Variants in SLC4A3 observed in about 807,000 individuals in gnomAD.
The protein encoded by SLC4A3 is anion exchange protein 3.
In SLC4A3, 47 loss-of-function variants were observed where a neutral mutation model predicts 114.2. The observed-to-expected ratio is 0.41, with a 90% CI of 0.33 to 0.52. The LOEUF (loss-of-function observed/expected upper bound fraction) is 0.52, where lower values mean the gene tolerates loss of function less well. Among genes scored for constraint, SLC4A3 ranks in the 20% least tolerant of loss-of-function variants. The pLI is 0.21. For synonymous variants in SLC4A3, 693 were observed against 710.3 expected, an observed-to-expected ratio of 0.98 and a Z score of 0.39; for missense variants, 1,312 against 1,668.3, an observed-to-expected ratio of 0.79 and a Z score of 3.72.
rs1699143384 is a variant in SLC4A3 at position 219,637,084 on chromosome 2, G to GCA, written c.2535+212_2535+213dup. 6.6e-6 allele frequency among the ~76,000 whole-genome samples: 1 copy of GCA among 152,092 alleles called. No homozygotes were observed. The highest frequency in any genetic ancestry group is 1.5e-5 in the Non-Finnish European group (1 of 68,010). ...GGTGGGTGCCAGGTCACGACTCCAA[G>GCA]CACCTGGTTGGAGGCTTAGTAATAA... On this transcript the variant is annotated intron_variant, in intron 16 of 22. Coordinates refer to ENST00000358055, the MANE Select transcript of SLC4A3 (RefSeq NM_005070.4). The surrounding 1 kb of genome is among the most constrained non-coding windows in gnomAD (Gnocchi z 4.6).
Position 219,632,011 on chromosome 2 carries a change from G to A in SLC4A3, c.855G>A (p.Val285=), listed in dbSNP as rs200039207. Residue 285 remains valine (V), a synonymous_variant, in exon 7 of 23, where the codon GTG becomes GTA. Coordinates refer to ENST00000358055, the MANE Select transcript of SLC4A3 (RefSeq NM_005070.4). Reference sequence around the variant, plus strand: ...ACCCTGGTGTGCGGCGACACTTAGTGAAAAAGCCCTCCCGGACGCAGGGCG... The same window carrying A: ...ACCCTGGTGTGCGGCGACACTTAGTAAAAAAGCCCTCCCGGACGCAGGGCG... ...EDNPGVRRHL[V]KKPSRTQGGR... 11 of 1,613,084 alleles carry A rather than the reference G, an allele frequency of 6.8e-6. No homozygotes were observed. The highest frequency in any genetic ancestry group is 1.7e-5 in the Admixed American group (1 of 59,748).
At position 219,641,754 on chromosome 2, in the gene SLC4A3, AC is replaced by A; in HGVS notation, c.*30del. The A allele has an allele frequency of 6.3e-7, 1 of 1,586,348 alleles. No homozygotes were observed. Among genetic ancestry groups the A allele is most frequent in the Non-Finnish European group, 8.7e-7 (1 of 1,155,168 alleles). On this transcript the variant is annotated 3_prime_UTR_variant, in exon 23 of 23. Coordinates refer to ENST00000358055, the MANE Select transcript of SLC4A3 (RefSeq NM_005070.4). This position sits in a 1 kb window ranked among gnomAD's most constrained non-coding sequence, Gnocchi z 4.0. ...CCCTTGAAGACAGTGCCCCTCAGAG[AC>A]CCCAAGACCTTAGGGATTGACACCT...
Position 219,628,598 on chromosome 2 carries a change from GCCGCC to G in SLC4A3, c.217+30_217+34del, listed in dbSNP as rs1227139362. 1.2e-6 allele frequency: 2 copies of G among 1,605,740 alleles called. No individual in the cohort carries two copies. The highest frequency in any genetic ancestry group is 1.7e-6 in the Non-Finnish European group (2 of 1,177,052). The stretch of plus-strand genomic sequence containing the variant: ...GGGTAGCCTGGGGACCCCTAGTGCG[GCCGCC>G]CTCGCCACCATCACCTTCATCGCCA... On this transcript the variant is annotated intron_variant, in intron 3 of 22. Transcript: ENST00000358055. The surrounding 1 kb of genome is among the most constrained non-coding windows in gnomAD (Gnocchi z 4.8).
At chr2:219,627,856 G>C in intron 1 of SLC4A3, 44 bp from the exon 2 acceptor site, 1 of 663,866 alleles carries the variant, frequency 1.5e-6, no homozygotes, top group Non-Finnish European at 2.5e-6. Flanking sequence ...CTCCCGGGTG[G>C]GGGGCGCCAG....
chr2:219,633,338 T>C lies in SLC4A3; in HGVS notation c.1342T>C (p.Ser448Pro). The C allele has an allele frequency of 6.2e-7, 1 of 1,605,796 alleles. No homozygotes were observed. Among genetic ancestry groups the C allele is most frequent in the Non-Finnish European group, 8.5e-7 (1 of 1,174,568 alleles). Reference sequence around the variant, plus strand: ...AAACCCATCGAGCTCCAGCATGAACTCGGTTCTGGGGAATCATCACCCAAC... The same window carrying C: ...AAACCCATCGAGCTCCAGCATGAACCCGGTTCTGGGGAATCATCACCCAAC... ...PRNPSSSSMN[S>P]VLGNHHPTPS... The change falls in exon 10 of 23, where the codon TCG (serine) becomes CCG (proline). Residue 448 changes from serine (S) to proline (P), a missense_variant. Ser to Pro is a moderately conservative substitution (Grantham distance 74, BLOSUM62 -1). This residue lies in a region of SLC4A3 where 771 missense variants were observed against 977.7 expected (regional missense o/e 0.79). Coordinates refer to ENST00000358055, the MANE Select transcript of SLC4A3 (RefSeq NM_005070.4).
Position 219,630,061 on chromosome 2 carries a change from G to T in SLC4A3, c.612-92G>T, listed in dbSNP as rs892107419. On this transcript the variant is annotated intron_variant, in intron 5 of 22. Coordinates refer to ENST00000358055, the MANE Select transcript of SLC4A3 (RefSeq NM_005070.4). The surrounding 1 kb of genome is among the most constrained non-coding windows in gnomAD (Gnocchi z 6.9). ...GAGGGGCCTGGGTCTCATGCTCAGGGTCTACTCCAGGCCGTGCTCTGAGCT... is the reference window on the plus strand; with the variant it reads ...GAGGGGCCTGGGTCTCATGCTCAGGTTCTACTCCAGGCCGTGCTCTGAGCT... 6.5e-7 allele frequency: 1 copy of T among 1,549,438 alleles called. No individual in the cohort carries two copies. Among genetic ancestry groups the T allele is most frequent in the East Asian group, 2.3e-5 (1 of 44,158 alleles).
Position 219,630,295 on chromosome 2 carries a change from C to T in SLC4A3, c.754C>T (p.Pro252Ser). 2 of 1,613,022 alleles carry T rather than the reference C, an allele frequency of 1.2e-6. No individual in the cohort carries two copies. Among genetic ancestry groups the T allele is most frequent in the Non-Finnish European group, 1.7e-6 (2 of 1,179,722 alleles). The change falls in exon 6 of 23, where the codon CCC becomes TCC. Residue 252 changes from proline (P) to serine (S), a missense_variant. By Grantham distance (74) the Pro-to-Ser change is moderately conservative. This residue lies in a region of SLC4A3 where 771 missense variants were observed against 977.7 expected (regional missense o/e 0.79). Coordinates refer to ENST00000358055, the MANE Select transcript of SLC4A3 (RefSeq NM_005070.4). The surrounding 1 kb of genome is among the most constrained non-coding windows in gnomAD (Gnocchi z 6.9). ...CCCAGGTGGTCCAGAGCAGCAGGTG[C>T]CCACAGATGAGGCGGAGGCCCAGAT... ...GNPGGPEQQV[P>S]TDEAEAQMLG...
At position 219,638,165 on chromosome 2, in the gene SLC4A3, C is replaced by T. The variant is rs766327424; in HGVS notation, c.2768C>T (p.Ala923Val). Residue 923 changes from alanine (A) to valine (V), a missense_variant and splice_region_variant, in exon 18 of 23, where the codon GCT becomes GTT. Physicochemically the swap from Ala to Val is moderately conservative, Grantham distance 64. This residue lies in a region of SLC4A3 where 301 missense variants were observed against 460.7 expected (regional missense o/e 0.65). Coordinates refer to ENST00000358055, the MANE Select transcript of SLC4A3 (RefSeq NM_005070.4). The surrounding 1 kb of genome is among the most constrained non-coding windows in gnomAD (Gnocchi z 7.5). The stretch of plus-strand genomic sequence containing the variant: ...CTTCCCCAACTGGCCCCTCTCAAGG[C>T]TCGTCGCATCATCGGGGACTTTGGC... ...FRNSRFLGGK[A>V]RRIIGDFGIP... The T allele has an allele frequency of 6.2e-6, 10 of 1,610,344 alleles. No individual in the cohort carries two copies. The highest frequency in any genetic ancestry group is 7.6e-6 in the Non-Finnish European group (9 of 1,178,044).
In SLC4A3 at chr2:219,639,460, G is replaced by A. The variant is rs377563433; in HGVS notation, c.3024-22G>A. 15 of 1,605,970 alleles carry A rather than the reference G, an allele frequency of 9.3e-6. No homozygotes were observed. The highest frequency in any genetic ancestry group is 5.3e-5 in the African/African-American group (4 of 74,852). ...GCCCCTGCCAGGCCAGCCACACCCC[G>A]CTCCCCACCTTCTCCCTGCAGGCTT... On this transcript the variant is annotated intron_variant, in intron 19 of 22. Coordinates refer to ENST00000358055, the MANE Select transcript of SLC4A3 (RefSeq NM_005070.4). This position sits in a 1 kb window ranked among gnomAD's most constrained non-coding sequence, Gnocchi z 5.9.
intron 9 of SLC4A3, 124 bp from the exon 10 acceptor site, chr2:219,633,150 C>A: frequency 1.4e-6 from 2 of 1,383,796 alleles, no homozygotes; most frequent in Non-Finnish European, 2.0e-6. Flanking sequence ...CACTTTCAAT[C>A]ATTATAAAGT....
chr2:219,628,646 T>G lies in SLC4A3; in HGVS notation c.217+76T>G. On this transcript the variant is annotated intron_variant, in intron 3 of 22. Transcript: ENST00000358055. This position sits in a 1 kb window ranked among gnomAD's most constrained non-coding sequence, Gnocchi z 4.8. ...CATCGCCACCATCACCGCGCTCACC[T>G]CCGGCTTGGTCACCCAGTGCCATCC... is the stretch of plus-strand genomic sequence containing the variant. 1.4e-6 allele frequency: 2 copies of G among 1,459,706 alleles called. No homozygotes were observed. Among genetic ancestry groups the G allele is most frequent in the South Asian group, 2.4e-5 (2 of 84,386 alleles). 90.4% of individuals were successfully genotyped at this position (1,459,706 alleles called of 1,614,324 possible).
rs140733778 is a variant in SLC4A3, at chr2:219,629,313, G to T, written c.387G>T (p.Glu129Asp). The T allele has an allele frequency of 1.7e-5, 28 of 1,613,062 alleles. No individual in the cohort carries two copies. Among genetic ancestry groups the T allele is most frequent in the Non-Finnish European group, 2.4e-5 (28 of 1,179,464 alleles). ...AGGGGACCCCTCCCATCCAGGAGGA[G>T]GGGGGAGCTGGAGTGGATGAGGAAG... Reference protein sequence around the residue: ...PSEGTPPIQEEGGAGVDEEEE... With the variant: ...PSEGTPPIQEDGGAGVDEEEE... Residue 129 changes from glutamate (E) to aspartate (D), a missense_variant, in exon 4 of 23, where the codon GAG becomes GAT. Physicochemically the swap from Glu to Asp is conservative, Grantham distance 45. This residue lies in a region of SLC4A3 where 236 missense variants were observed against 212.1 expected (regional missense o/e 1.11). Coordinates refer to ENST00000358055, the MANE Select transcript of SLC4A3 (RefSeq NM_005070.4).
At position 219,637,606 on chromosome 2, in the gene SLC4A3, C is replaced by T. The variant is rs763459349; in HGVS notation, c.2561C>T (p.Pro854Leu). The change falls in exon 17 of 23, where the codon CCG becomes CTG. Residue 854 changes from proline to leucine, a missense_variant. By Grantham distance (98) the Pro-to-Leu change is moderately conservative. Around this residue, in one of 4 missense-constraint regions of SLC4A3, gnomAD observed 771 missense variants for 977.7 expected, o/e 0.79. Transcript: ENST00000358055. This position sits in a 1 kb window ranked among gnomAD's most constrained non-coding sequence, Gnocchi z 4.6. Reference sequence around the variant, plus strand: ...GTGTTCACAGAGCACCCACTGCTGCCGTTCTACCCCCCTGAGGGGGCCCTG... The same window carrying T: ...GTGTTCACAGAGCACCCACTGCTGCTGTTCTACCCCCCTGAGGGGGCCCTG... ...YKVFTEHPLL[P>L]FYPPEGALEG... 30 of 1,600,818 alleles carry T rather than the reference C, an allele frequency of 1.9e-5. No homozygotes were observed. The highest frequency in any genetic ancestry group is 3.3e-5 in the South Asian group (3 of 90,282).
Position 219,627,897 on chromosome 2 carries a change from C to T in SLC4A3, c.-93-3C>T. ...GGAACCTGACCCCGCCCTCCTCCCC[C>T]AGGGCTCCCCGCTAGGCCCCCTCAG... On this transcript the variant is annotated splice_polypyrimidine_tract_variant and splice_region_variant and intron_variant, in intron 1 of 22. Transcript: ENST00000358055. 1 of 1,019,706 alleles carries T rather than the reference C, an allele frequency of 9.8e-7. No homozygotes were observed. Among genetic ancestry groups the T allele is most frequent in the South Asian group, 1.4e-5 (1 of 71,008 alleles). The allele number at this position is 1,019,706 out of a possible 1,614,324, so 63.2% of individuals were successfully genotyped here.
At chr2:219,629,544 CG>C in intron 4 of SLC4A3, 35 bp from the exon 5 acceptor site, 1 of 1,586,800 alleles carries the variant, frequency 6.3e-7, no homozygotes, top group African/African-American at 1.3e-5. Flanking sequence ...TATGGTAGGT[CG>C]GGGCAAGGCC....
chr2:219,636,630 C>T lies in SLC4A3; in HGVS notation c.2341-50C>T, dbSNP rs1384246190. 1 of 1,544,190 alleles carries T rather than the reference C, an allele frequency of 6.5e-7. No homozygotes were observed. Among genetic ancestry groups the T allele is most frequent in the Admixed American group, 1.8e-5 (1 of 54,920 alleles). ...CGCTGCCTATTCCAGGGGGCATTGA[C>T]ACCCAGGGCAGTCCACCTGTGGGTA... On this transcript the variant is annotated intron_variant, in intron 15 of 22. Coordinates refer to ENST00000358055, the MANE Select transcript of SLC4A3 (RefSeq NM_005070.4). The surrounding 1 kb of genome is among the most constrained non-coding windows in gnomAD (Gnocchi z 5.5).
chr2:219,628,391 G>C lies in SLC4A3; in HGVS notation c.52-14G>C, dbSNP rs760554461. 1.2e-6 allele frequency: 2 copies of C among 1,602,940 alleles called. No individual in the cohort carries two copies. The highest frequency in any genetic ancestry group is 1.1e-5 in the South Asian group (1 of 89,466). On this transcript the variant is annotated splice_polypyrimidine_tract_variant and intron_variant, in intron 2 of 22. Transcript: ENST00000358055. This position sits in a 1 kb window ranked among gnomAD's most constrained non-coding sequence, Gnocchi z 4.8. Reference sequence around the variant, plus strand: ...GGGTCAGGGGTCCTTAGCAGAGGCCGTCTGGGCCTGCAGGTCCGGGTGCCC... The same window carrying C: ...GGGTCAGGGGTCCTTAGCAGAGGCCCTCTGGGCCTGCAGGTCCGGGTGCCC...
rs1000081988 is a variant in SLC4A3 at position 219,633,690 on chromosome 2, G to A, written c.1462-190G>A. 3.3e-5 allele frequency among the ~76,000 whole-genome samples: 5 copies of A among 152,336 alleles called. No individual in the cohort carries two copies. In the East Asian group the frequency reaches 9.7e-4, roughly 29 times the overall value. On this transcript the variant is annotated intron_variant, in intron 10 of 22. Coordinates refer to ENST00000358055, the MANE Select transcript of SLC4A3 (RefSeq NM_005070.4). ...GCTGTTTAAACAAGATAAGGCTGAG[G>A]TGGTAGTTGGGGACATCGAGGCAGG...
Position 219,628,322 on chromosome 2 carries a change from C to G in SLC4A3, c.52-83C>G. The G allele has an allele frequency of 7.2e-7, 1 of 1,388,134 alleles. No homozygotes were observed. The highest frequency in any genetic ancestry group is 9.7e-7 in the Non-Finnish European group (1 of 1,034,438). The allele number at this position is 1,388,134 out of a possible 1,614,324, so 86.0% of individuals were successfully genotyped here. ...CGATGGTGTGAGAGCCTGCTGAGCTCCCCCAACTAGGGCTTGGAGTTGGGG... is the reference window on the plus strand; with the variant it reads ...CGATGGTGTGAGAGCCTGCTGAGCTGCCCCAACTAGGGCTTGGAGTTGGGG... On this transcript the variant is annotated intron_variant, in intron 2 of 22. Coordinates refer to ENST00000358055, the MANE Select transcript of SLC4A3 (RefSeq NM_005070.4). This position sits in a 1 kb window ranked among gnomAD's most constrained non-coding sequence, Gnocchi z 4.8.
Sources: gnomAD v4.1 joint callset for allele counts (sites outside exome capture counted in the v4.1 genomes callset) on GRCh38, gnomAD v4.1.1 for gene constraint, gnomAD v4.1.1 regional missense constraint, Gnocchi (gnomAD v3.1) non-coding constraint, MANE v1.5 for transcripts, NCBI Gene and HGNC (gene_info 2026-07-23, HGNC 2026-07-21) for gene names.